The following L3MBTL4 variants were observed in gnomAD, a reference collection of about 807,000 sequenced individuals.
The protein encoded by L3MBTL4 is L3MBTL histone methyl-lysine binding protein 4.
In L3MBTL4, 70 loss-of-function variants were observed where a neutral mutation model predicts 84.5. That is an observed-to-expected ratio of 0.83 (90% confidence interval 0.68 to 1.01). L3MBTL4 has a LOEUF of 1.01. Among genes scored for constraint, L3MBTL4 ranks in the 50% least tolerant of loss-of-function variants. L3MBTL4 has a pLI of 0.00. For missense variants in L3MBTL4, 715 were observed against 754.8 expected (o/e 0.95, Z 0.62); for synonymous variants, 274 against 259.8 (o/e 1.05, Z -0.52).
chr18:6,001,016 G>C (rs1204930453), intron 16 of L3MBTL4, among the ~76,000 whole-genome samples: 1 of 152,192 alleles, frequency 6.6e-6, no homozygotes, highest in Admixed American at 6.5e-5. Flanking sequence ...GTCAATTTCA[G>C]CTCTTAGAAC....
In L3MBTL4 at chr18:6,139,603, T is replaced by C. The variant is rs183443657; in HGVS notation, c.1097-1307A>G. On this transcript the variant is annotated intron_variant, in intron 13 of 18. Coordinates refer to ENST00000317931, the MANE Select transcript of L3MBTL4 (RefSeq NM_001330559.2). ...CTCCTGCTGTTCTGGGCCTTACTTC[T>C]CTGACAATCCCACACTTTCCTTCTC... is the stretch of plus-strand genomic sequence containing the variant. 2.6e-5 allele frequency among the ~76,000 whole-genome samples: 4 copies of C among 152,170 alleles called. No homozygotes were observed. In the East Asian group the frequency reaches 7.7e-4, roughly 29 times the overall value.
chr18:6,357,820 T>C lies in L3MBTL4; in HGVS notation c.-90-45764A>G, dbSNP rs541924995. On this transcript the variant is annotated intron_variant, in intron 1 of 18. Coordinates refer to ENST00000317931, the MANE Select transcript of L3MBTL4 (RefSeq NM_001330559.2). ...AAAAGCATAAATTGTGATACAGCTATCACAATGAAATTACTCCTGCATGCA... is the reference window on the plus strand; with the variant it reads ...AAAAGCATAAATTGTGATACAGCTACCACAATGAAATTACTCCTGCATGCA... Among the ~76,000 whole-genome samples the C allele has an allele frequency of 1.3e-4, 20 of 152,348 alleles. No homozygotes were observed. The East Asian group carries it at 3.3e-3, about 25-fold the overall frequency.
intron 1 of L3MBTL4, among the ~76,000 whole-genome samples, chr18:6,348,551 A>G (rs1038916267): frequency 6.6e-6 from 1 of 152,190 alleles, no homozygotes; most frequent in African/African-American, 2.4e-5. Flanking sequence ...CACCAAAAGG[A>G]AGTCCAGATG....
intron 4 of L3MBTL4, among the ~76,000 whole-genome samples, chr18:6,295,925 A>T (rs1254331483): frequency 6.6e-6 from 1 of 152,210 alleles, no homozygotes; most frequent in Non-Finnish European, 1.5e-5. Context: ...TTAACTGTTT[A>T]CTTAATGATA....
intron 14 of L3MBTL4, among the ~76,000 whole-genome samples, chr18:6,110,606 TG>T (rs1249523961): frequency 4.0e-4 from 36 of 90,010 alleles, no homozygotes; most frequent in Middle Eastern, 5.9e-3. Flanking sequence ...ATGTGTGGCA[TG>T]GGGGGGTGGG....
chr18:6,359,285 C>A lies in L3MBTL4; in HGVS notation c.-90-47229G>T, dbSNP rs376151231. 1.4e-4 allele frequency among the ~76,000 whole-genome samples: 21 copies of A among 152,182 alleles called. No homozygotes were observed. The East Asian group carries it at 4.1e-3, about 29-fold the overall frequency. ...GACCAGCCTGGGCAACATGGTGAAA[C>A]CCTGTCTCTGCTAGCCAGGCATGGT... On this transcript the variant is annotated intron_variant, in intron 1 of 18. Coordinates refer to ENST00000317931, the MANE Select transcript of L3MBTL4 (RefSeq NM_001330559.2).
chr18:6,108,481 A>G (rs529562047), intron 14 of L3MBTL4, among the ~76,000 whole-genome samples: 3 of 152,340 alleles, frequency 2.0e-5, no homozygotes, highest in East Asian at 3.9e-4. Flanking sequence ...TATACAATCT[A>G]TGAAGACTGG....
intron 10 of L3MBTL4, among the ~76,000 whole-genome samples, chr18:6,222,204 A>T (rs1568337889): frequency 6.6e-6 from 1 of 152,106 alleles, no homozygotes. Flanking sequence ...CATAAGTTAG[A>T]CTCTCTAACA....
chr18:6,076,909 A>G (rs1197562281), intron 16 of L3MBTL4, among the ~76,000 whole-genome samples: 1 of 152,192 alleles, frequency 6.6e-6, no homozygotes, highest in Non-Finnish European at 1.5e-5. Flanking sequence ...TGGCCGTGAG[A>G]GTGACATCTC....
At chr18:6,092,796 T>C (rs2058503712) in intron 15 of L3MBTL4, among the ~76,000 whole-genome samples, 1 of 152,228 alleles carries the variant, frequency 6.6e-6, no homozygotes. Flanking sequence ...TATAGTTATA[T>C]ATAAACAAAA....
intron 3 of L3MBTL4, among the ~76,000 whole-genome samples, chr18:6,304,030 C>CAAAAAAAAAAAAAAAAAAAAA (rs775365285): frequency 7.5e-6 from 1 of 133,688 alleles, no homozygotes; most frequent in Non-Finnish European, 1.6e-5. Context: ...AAAAAAAAAA[C>CAAAAAAAAAAAAAAAAAAAAA]AAAAAAAAAA....
chr18:6,146,703 G>A (rs1156750304), intron 13 of L3MBTL4, among the ~76,000 whole-genome samples: 1 of 152,196 alleles, frequency 6.6e-6, no homozygotes. Flanking sequence ...GTGGATTTAT[G>A]CCCCAAATGG....
At position 6,015,914 on chromosome 18, in the gene L3MBTL4, C is replaced by T. The variant is rs189201890; in HGVS notation, c.1445-46352G>A. Reference sequence around the variant, plus strand: ...CGCGGAGGTTGCAGTGAGCCAAGATCGCACCACTGCACTCCAGCCTGCATG... The same window carrying T: ...CGCGGAGGTTGCAGTGAGCCAAGATTGCACCACTGCACTCCAGCCTGCATG... On this transcript the variant is annotated intron_variant, in intron 16 of 18. Coordinates refer to ENST00000317931, the MANE Select transcript of L3MBTL4 (RefSeq NM_001330559.2). Among the ~76,000 whole-genome samples the T allele has an allele frequency of 7.0e-4, 106 of 152,252 alleles. 2 individuals are homozygous for T. In the South Asian group the frequency reaches 8.1e-3, roughly 12 times the overall value.
chr18:6,190,155 T>C (rs900036487), intron 12 of L3MBTL4, among the ~76,000 whole-genome samples: 9 of 152,042 alleles, frequency 5.9e-5, no homozygotes, highest in African/African-American at 9.7e-5. Context: ...AAAAGAAACA[T>C]GACATGAAAG....
intron 4 of L3MBTL4, 135 bp downstream of exon 4, chr18:6,301,768 A>T (rs961676525): frequency 4.1e-6 from 3 of 732,440 alleles, no homozygotes; most frequent in Non-Finnish European, 7.3e-6. Context: ...AAGAGTATGC[A>T]ATACCCTGAA....
chr18:6,064,167 A>G (rs2057326039), intron 16 of L3MBTL4, among the ~76,000 whole-genome samples: 1 of 152,022 alleles, frequency 6.6e-6, no homozygotes, highest in African/African-American at 2.4e-5. Context: ...ACTTGGCTGT[A>G]AGTATTTGAC....
rs562265184 is a variant in L3MBTL4 at position 6,168,186 on chromosome 18, C to G, written c.1096+3642G>C. 5.6e-4 allele frequency among the ~76,000 whole-genome samples: 85 copies of G among 152,094 alleles called. No homozygotes were observed. In the Middle Eastern group the frequency reaches 0.01, roughly 18 times the overall value. On this transcript the variant is annotated intron_variant, in intron 13 of 18. Transcript: ENST00000317931. ...TCAATGAAATAAAAGAGGATACAAA[C>G]AAATGGAAGAACATTCCATGCTCAT... is the stretch of plus-strand genomic sequence containing the variant.
At chr18:6,121,458 T>G (rs1295287198) in intron 14 of L3MBTL4, among the ~76,000 whole-genome samples, 1 of 152,174 alleles carries the variant, frequency 6.6e-6, no homozygotes. Flanking sequence ...TATCATATCA[T>G]CAAAATGAGA....
At chr18:6,022,659 C>T (rs1048504219) in intron 16 of L3MBTL4, among the ~76,000 whole-genome samples, 2 of 152,204 alleles carry the variant, frequency 1.3e-5, no homozygotes, top group African/African-American at 4.8e-5. Flanking sequence ...AACAACATCT[C>T]TGTAAGGTGT....
Sources: gnomAD v4.1 joint callset for allele counts (sites outside exome capture counted in the v4.1 genomes callset) on GRCh38, gnomAD v4.1.1 for gene constraint, MANE v1.5 for transcripts, NCBI Gene and HGNC (gene_info 2026-07-23, HGNC 2026-07-21) for gene names.